Variants in TTC21B observed in about 807,000 individuals in gnomAD.
The protein encoded by TTC21B is tetratricopeptide repeat domain 21B.
TTC21B carries 127 observed loss-of-function variants against 175.1 expected under a neutral mutation model. The observed-to-expected ratio is 0.73, with a 90% CI of 0.63 to 0.84. The LOEUF is 0.84. Ranked by LOEUF, TTC21B falls within the 40% of genes least tolerant of loss-of-function variation. The pLI, the probability that TTC21B is intolerant of heterozygous loss-of-function variation, is 0.00. For missense variants in TTC21B, 1,561 were observed against 1,558.3 expected, an observed-to-expected ratio of 1.00 and a Z score of -0.03; for synonymous variants, 524 against 524.5, an observed-to-expected ratio of 1.00 and a Z score of 0.01.
intron 1 of TTC21B, 112 bp downstream of exon 1, chr2:165,953,573 A>C (rs1407071026): frequency 6.6e-7 from 1 of 1,506,740 alleles, no homozygotes; most frequent in Non-Finnish European, 8.9e-7. Flanking sequence ...CACCGCAGGG[A>C]AACAGCGGCC....
chr2:165,932,655 ATTACG>A (rs986878189), intron 7 of TTC21B, among the ~76,000 whole-genome samples: 10 of 152,166 alleles, frequency 6.6e-5, no homozygotes, highest in Middle Eastern at 6.8e-3. Flanking sequence ...CACTAGTTAC[ATTACG>A]TATCTAGTTA....
intron 25 of TTC21B, among the ~76,000 whole-genome samples, chr2:165,887,372 A>G (rs942955053): frequency 7.3e-5 from 11 of 150,470 alleles, no homozygotes; most frequent in African/African-American, 2.7e-4. Flanking sequence ...TCCTTTCTTA[A>G]TATCAAGCAA....
At chr2:165,906,451 C>T (rs964419899) in intron 19 of TTC21B, among the ~76,000 whole-genome samples, 1 of 151,860 alleles carries the variant, frequency 6.6e-6, no homozygotes, top group South Asian at 2.1e-4. Flanking sequence ...GTAAAAGGGA[C>T]CTTTTTCACT....
At chr2:165,918,570 C>T (rs1389037191) in intron 13 of TTC21B, among the ~76,000 whole-genome samples, 1 of 152,168 alleles carries the variant, frequency 6.6e-6, no homozygotes, top group Admixed American at 6.5e-5. Context: ...GCTGGGATTA[C>T]AGGCGTGAGC....
Position 165,873,408 on chromosome 2 carries a change from T to C in TTC21B, c.*1347A>G, listed in dbSNP as rs1024481482. On this transcript the variant is annotated 3_prime_UTR_variant, in exon 29 of 29. Transcript: ENST00000243344. ...TGTAAATGCAAATAAAATTGAGGAC[T>C]GTGTTTACTACAATTTTAAGGAAAA... The C allele has an allele frequency of 1.3e-5, 2 of 152,180 alleles. No individual in the cohort carries two copies. Among genetic ancestry groups the C allele is most frequent in the East Asian group, 3.9e-4 (2 of 5,194 alleles). The allele number at this position is 152,180 out of a possible 1,614,324, so 9.4% of individuals were successfully genotyped here. A position where few individuals can be genotyped will look rare whatever the true frequency, so the allele number is the denominator to read the frequency against.
intron 4 of TTC21B, among the ~76,000 whole-genome samples, 158 bp downstream of exon 4, chr2:165,945,366 C>T (rs1339845736): frequency 6.6e-6 from 1 of 152,120 alleles, no homozygotes; most frequent in Admixed American, 6.5e-5. Flanking sequence ...ACACTATTAA[C>T]CATATTGATA....
At chr2:165,876,267 A>G in intron 27 of TTC21B, 35 bp from the exon 28 acceptor site, 2 of 1,255,086 alleles carry the variant, frequency 1.6e-6, no homozygotes, top group African/African-American at 1.5e-5. Context: ...AGAATGATGG[A>G]GTACACTGCT....
At chr2:165,880,384 T>C (rs1684800282) in intron 27 of TTC21B, among the ~76,000 whole-genome samples, 1 of 152,152 alleles carries the variant, frequency 6.6e-6, no homozygotes, top group Non-Finnish European at 1.5e-5. Flanking sequence ...AAACATCTTT[T>C]TCCATGGCAT....
chr2:165,907,409 T>A (rs1053944554), intron 19 of TTC21B, among the ~76,000 whole-genome samples: 20 of 152,216 alleles, frequency 1.3e-4, no homozygotes, highest in African/African-American at 4.6e-4. Context: ...CAAATCCTGA[T>A]GACACTATTC....
chr2:165,932,429 A>G (rs1686944889), intron 7 of TTC21B, among the ~76,000 whole-genome samples: 1 of 152,086 alleles, frequency 6.6e-6, no homozygotes, highest in Non-Finnish European at 1.5e-5. Context: ...ATGCAAATCT[A>G]CTACATGTTA....
chr2:165,899,367 T>C (rs1303333749), intron 21 of TTC21B, among the ~76,000 whole-genome samples: 1 of 152,174 alleles, frequency 6.6e-6, no homozygotes. Context: ...CAGACTGTCT[T>C]AGACTGATAA....
chr2:165,939,014 A>AT (rs1297807470), intron 6 of TTC21B, among the ~76,000 whole-genome samples: 1 of 152,128 alleles, frequency 6.6e-6, no homozygotes, highest in Non-Finnish European at 1.5e-5. Context: ...GAATTATCCT[A>AT]TTTTTTCAAC....
chr2:165,915,353 G>A lies in TTC21B; in HGVS notation c.1986C>T (p.Asp662=). 6.2e-7 allele frequency: 1 copy of A among 1,614,082 alleles called. No individual in the cohort carries two copies. The highest frequency in any genetic ancestry group is 8.5e-7 in the Non-Finnish European group (1 of 1,179,972). ...EEVRVTIANA[D]LALAQGDIER... is the part of the protein sequence containing the mutation. ...CAATATCTCCTTGGGCTAGAGCAAG[G>A]TCTGCATTAGCAATGGTAACCCGCA... Residue 662 remains aspartate, a synonymous_variant, in exon 15 of 29, where the codon GAC becomes GAT. Transcript: ENST00000243344.
intron 26 of TTC21B, among the ~76,000 whole-genome samples, chr2:165,882,849 T>C (rs1191015281): frequency 3.3e-5 from 5 of 151,846 alleles, no homozygotes; most frequent in South Asian, 2.1e-4. Flanking sequence ...AGACTAGATA[T>C]AGAAGGGTAA....
intron 7 of TTC21B, 50 bp downstream of exon 7, chr2:165,932,923 T>A: frequency 6.7e-7 from 1 of 1,497,112 alleles, no homozygotes; most frequent in African/African-American, 1.4e-5. Flanking sequence ...GTATGTGTAA[T>A]GAAATATATT....
chr2:165,924,619 C>G lies in TTC21B; in HGVS notation c.1446G>C (p.Glu482Asp). The change falls in exon 12 of 29, where the codon GAG becomes GAC. Residue 482 changes from glutamate to aspartate, a missense_variant. Transcript: ENST00000243344. ...GACCTGGAACAGTTCTTACTACAGT[C>G]TCCAGGACTGAGATGCAACGCCTGA... ...PLLRRCISVL[E>D]TVVRTVPGLL... 6.2e-7 allele frequency: 1 copy of G among 1,613,780 alleles called. No homozygotes were observed.
intron 7 of TTC21B, 62 bp downstream of exon 7, chr2:165,932,911 G>T: frequency 7.4e-7 from 1 of 1,359,654 alleles, no homozygotes; most frequent in South Asian, 1.2e-5. Context: ...ACACATGGGT[G>T]TGTATGTGTA....
chr2:165,890,848 G>C lies in TTC21B; in HGVS notation c.3091C>G (p.Leu1031Val). The C allele has an allele frequency of 6.2e-7, 1 of 1,613,012 alleles. No individual in the cohort carries two copies. The highest frequency in any genetic ancestry group is 8.5e-7 in the Non-Finnish European group (1 of 1,179,452). The change falls in exon 23 of 29, where the codon CTG (leucine) becomes GTG (valine). Residue 1031 changes from leucine (L) to valine (V), a missense_variant. Transcript: ENST00000243344. The stretch of plus-strand genomic sequence containing the variant: ...TGTAAATAGATTTACCAAAGATACA[G>C]TCCTTTACAATACTGAAATCCTGGT... ...LEPGFQYCKG[L>V]YLWYTGEPND...
intron 19 of TTC21B, 73 bp from the exon 20 acceptor site, chr2:165,901,983 T>C (rs1685585249): frequency 3.2e-6 from 4 of 1,261,832 alleles, no homozygotes; most frequent in Non-Finnish European, 4.6e-6. Context: ...ACACACAGCA[T>C]AATTTTACAG....
Sources: allele counts gnomAD v4.1 joint callset (sites outside exome capture counted in the v4.1 genomes callset), GRCh38; gene constraint gnomAD v4.1.1; transcripts MANE v1.5; gene names NCBI Gene and HGNC (gene_info 2026-07-23, HGNC 2026-07-21).